DIAPH3: variants seen among roughly 807,000 people sequenced by gnomAD.
DIAPH3 encodes protein diaphanous homolog 3.
DIAPH3 carries 117 observed loss-of-function variants against 144.3 expected under a neutral mutation model. That is an observed-to-expected ratio of 0.81 (90% CI 0.70 to 0.95). DIAPH3 has a LOEUF of 0.95. DIAPH3 is among the 40% of genes least tolerant of loss of function. DIAPH3 has a pLI of 0.00. For missense variants in DIAPH3, 1,421 were observed against 1,412.7 expected (o/e 1.01, Z -0.09); for synonymous variants, 519 against 488.9 (o/e 1.06, Z -0.81).
At chr13:59,731,851 G>T (rs1429991764) in intron 27 of DIAPH3, among the ~76,000 whole-genome samples, 1 of 152,114 alleles carries the variant, frequency 6.6e-6, no homozygotes, top group Non-Finnish European at 1.5e-5. Flanking sequence ...CTTATTTTCT[G>T]CTGGTTTCAC....
chr13:59,708,631 C>T (rs1271253541), intron 27 of DIAPH3, among the ~76,000 whole-genome samples: 1 of 152,094 alleles, frequency 6.6e-6, no homozygotes, highest in African/African-American at 2.4e-5. Context: ...CTCCTGAGCC[C>T]CAAATGTCCG....
At chr13:59,749,232 A>G (rs2139103196) in intron 27 of DIAPH3, among the ~76,000 whole-genome samples, 1 of 148,348 alleles carries the variant, frequency 6.7e-6, no homozygotes, top group East Asian at 2.0e-4. Context: ...AAAAAAAAAA[A>G]AAGTACGGCC....
At chr13:59,917,975 C>CA (rs2047312425) in intron 18 of DIAPH3, among the ~76,000 whole-genome samples, 1 of 141,854 alleles carries the variant, frequency 7.0e-6, no homozygotes. Context: ...ATAGAACATG[C>CA]AAAAAATATA....
Position 60,064,478 on chromosome 13 carries a change from T to C in DIAPH3, c.496-21658A>G, listed in dbSNP as rs564738779. The stretch of plus-strand genomic sequence containing the variant: ...CTTTTATACTATGAAGGTAGTTTCT[T>C]TCCTTAAATCTCATGAACCAACCTC... On this transcript the variant is annotated intron_variant, in intron 4 of 27. Coordinates refer to ENST00000400324, the MANE Select transcript of DIAPH3 (RefSeq NM_001042517.2). 2.6e-5 allele frequency among the ~76,000 whole-genome samples: 4 copies of C among 152,320 alleles called. 1 individual carries two copies. The South Asian group carries it at 8.3e-4, about 32-fold the overall frequency.
intron 4 of DIAPH3, among the ~76,000 whole-genome samples, chr13:60,075,340 T>C (rs184728025): frequency 6.6e-6 from 1 of 152,316 alleles, no homozygotes; most frequent in Non-Finnish European, 1.5e-5. Flanking sequence ...ATAGCAAACG[T>C]TTTCTTCCAG....
intron 9 of DIAPH3, among the ~76,000 whole-genome samples, chr13:60,003,730 C>G (rs1347034941): frequency 1.3e-5 from 2 of 151,856 alleles, no homozygotes; most frequent in African/African-American, 2.4e-5. Context: ...CCCACCAACA[C>G]GCAAGGCAAT....
chr13:60,061,832 C>G (rs575064858), intron 4 of DIAPH3, among the ~76,000 whole-genome samples: 1 of 152,288 alleles, frequency 6.6e-6, no homozygotes, highest in South Asian at 2.1e-4. Flanking sequence ...TCATATCCCA[C>G]TATTCTCTTT....
intron 2 of DIAPH3, among the ~76,000 whole-genome samples, chr13:60,125,022 T>C (rs1281322174): frequency 6.6e-6 from 1 of 152,076 alleles, no homozygotes; most frequent in African/African-American, 2.4e-5. Flanking sequence ...AGCTCTCTCT[T>C]CCCCCAGTTT....
chr13:59,893,131 A>T (rs1490583435), intron 20 of DIAPH3, among the ~76,000 whole-genome samples: 1 of 152,176 alleles, frequency 6.6e-6, no homozygotes, highest in African/African-American at 2.4e-5. Flanking sequence ...CAAATACAAA[A>T]ATACATATGG....
At chr13:59,825,806 A>C (rs1424504449) in intron 24 of DIAPH3, among the ~76,000 whole-genome samples, 1 of 152,112 alleles carries the variant, frequency 6.6e-6, no homozygotes, top group Non-Finnish European at 1.5e-5. Context: ...GCATTTTTTC[A>C]TGTGTCTTTT....
At chr13:60,033,472 G>T (rs1359920019) in intron 5 of DIAPH3, among the ~76,000 whole-genome samples, 1 of 152,208 alleles carries the variant, frequency 6.6e-6, no homozygotes, top group Non-Finnish European at 1.5e-5. Context: ...ACCAGCATCT[G>T]CTTGCCTTCT....
In DIAPH3 at chr13:59,701,315, G is replaced by A. The variant is rs373677982; in HGVS notation, c.3320-34469C>T. ...TTATACATCAATTAGATGCTCTCTCGCAAGCCATCTCTGAAATCCTTAGTT... is the reference window on the plus strand; with the variant it reads ...TTATACATCAATTAGATGCTCTCTCACAAGCCATCTCTGAAATCCTTAGTT... On this transcript the variant is annotated intron_variant, in intron 27 of 27. Coordinates refer to ENST00000400324, the MANE Select transcript of DIAPH3 (RefSeq NM_001042517.2). Among the ~76,000 whole-genome samples, 10 of 152,144 alleles carry A rather than the reference G, an allele frequency of 6.6e-5. No individual in the cohort carries two copies. In the East Asian group the frequency reaches 1.4e-3, roughly 21 times the overall value.
intron 17 of DIAPH3, among the ~76,000 whole-genome samples, chr13:59,942,465 G>C (rs1594072577): frequency 1.3e-5 from 2 of 152,002 alleles, no homozygotes; most frequent in Admixed American, 6.6e-5. Context: ...ATCTAAACAT[G>C]CTATTCCAGC....
intron 27 of DIAPH3, among the ~76,000 whole-genome samples, chr13:59,713,839 T>A (rs1566210364): frequency 6.6e-6 from 1 of 152,180 alleles, no homozygotes; most frequent in African/African-American, 2.4e-5. Flanking sequence ...TGTGTGTGGA[T>A]GTGATGCCAG....
intron 20 of DIAPH3, among the ~76,000 whole-genome samples, chr13:59,885,448 T>TAAAAAAA (rs67977635): frequency 9.7e-5 from 9 of 93,074 alleles, no homozygotes; most frequent in East Asian, 3.5e-4. Flanking sequence ...CTTCTTTCAC[T>TAAAAAAA]AAAAAAAAAA....
intron 17 of DIAPH3, among the ~76,000 whole-genome samples, chr13:59,952,852 T>C (rs2049170939): frequency 6.6e-6 from 1 of 152,194 alleles, no homozygotes; most frequent in Non-Finnish European, 1.5e-5. Flanking sequence ...AGCATTCATT[T>C]ATCCAGCAAA....
intron 2 of DIAPH3, among the ~76,000 whole-genome samples, chr13:60,131,197 G>A (rs1270447538): frequency 5.3e-5 from 8 of 151,972 alleles, no homozygotes; most frequent in South Asian, 2.1e-4. Context: ...TGGAGGCCAC[G>A]GCAGAAGGAT....
Position 59,974,470 on chromosome 13 carries a change from A to T in DIAPH3, c.1546-14T>A. 1.9e-6 allele frequency: 3 copies of T among 1,589,656 alleles called. No homozygotes were observed. The highest frequency in any genetic ancestry group is 2.6e-6 in the Non-Finnish European group (3 of 1,161,638). ...CTCTTTTTCAAACTGAAACAAATTA[A>T]AAATAATAACAAAAACAGGAAGATG... is the stretch of plus-strand genomic sequence containing the variant. On this transcript the variant is annotated splice_polypyrimidine_tract_variant and intron_variant, in intron 14 of 27. Transcript: ENST00000400324.
chr13:59,867,616 T>C (rs904704428), intron 21 of DIAPH3, among the ~76,000 whole-genome samples: 9 of 152,166 alleles, frequency 5.9e-5, no homozygotes, highest in African/African-American at 2.2e-4. Flanking sequence ...CTCTGAATTA[T>C]ATTTTTAACA....
Sources: allele counts gnomAD v4.1 joint callset (sites outside exome capture counted in the v4.1 genomes callset), GRCh38; gene constraint gnomAD v4.1.1; transcripts MANE v1.5; gene names NCBI Gene and HGNC (gene_info 2026-07-23, HGNC 2026-07-21).